XKR9: variants seen among roughly 807,000 people sequenced by gnomAD.
The protein encoded by XKR9 is XK-related protein 9.
In XKR9, 32 loss-of-function variants were observed where a neutral mutation model predicts 32.0. That is an observed-to-expected ratio of 1.00 (90% CI 0.76 to 1.34). XKR9 has a LOEUF of 1.34. Ranked by LOEUF, XKR9 falls within the 40% of genes most tolerant of loss-of-function variation. XKR9 has a pLI of 0.00. For missense variants in XKR9, 546 were observed against 429.7 expected, an observed-to-expected ratio of 1.27 and a Z score of -2.39; for synonymous variants, 168 against 143.4, an observed-to-expected ratio of 1.17 and a Z score of -1.22.
At chr8:70,932,335 A>G in the XKR9 span, among the ~76,000 whole-genome samples, 1 of 152,114 alleles carries the variant, frequency 6.6e-6, no homozygotes, top group Non-Finnish European at 1.5e-5. Context: ...ATTGCATCTC[A>G]GGAGATTAAA....
At chr8:71,019,491 C>G in the XKR9 span, among the ~76,000 whole-genome samples, 1 of 152,200 alleles carries the variant, frequency 6.6e-6, no homozygotes, top group Non-Finnish European at 1.5e-5. Context: ...CTCACACCAG[C>G]AGGTCAGTTG....
At chr8:70,708,547 G>C (rs1426256492) in intron 4 of XKR9, among the ~76,000 whole-genome samples, 1 of 152,016 alleles carries the variant, frequency 6.6e-6, no homozygotes, top group Admixed American at 6.6e-5. Flanking sequence ...AATGACACAA[G>C]AAAGCAATTA....
chr8:70,808,380 G>GACGT, the XKR9 span, among the ~76,000 whole-genome samples: 1 of 152,140 alleles, frequency 6.6e-6, no homozygotes, highest in African/African-American at 2.4e-5. Flanking sequence ...CGATGCAGAA[G>GACGT]ATGTATGATT....
chr8:70,963,077 G>A, the XKR9 span, among the ~76,000 whole-genome samples: 2 of 152,104 alleles, frequency 1.3e-5, no homozygotes, highest in African/African-American at 4.8e-5. Context: ...CATCACCCAG[G>A]TATTAAACCC....
At chr8:70,685,639 A>G (rs1819244765) in intron 3 of XKR9, among the ~76,000 whole-genome samples, 2 of 149,802 alleles carry the variant, frequency 1.3e-5, no homozygotes, top group African/African-American at 2.5e-5. Context: ...CAAGGGCAAA[A>G]AACCAAACAC....
chr8:70,786,189 C>G (rs765359558), intron 2 of XKR9, among the ~76,000 whole-genome samples: 29 of 152,172 alleles, frequency 1.9e-4, no homozygotes, highest in Admixed American at 3.3e-4. Context: ...GTTTTGTGCT[C>G]TAACATGTGA....
chr8:70,903,153 A>T, the XKR9 span, among the ~76,000 whole-genome samples: 1 of 152,112 alleles, frequency 6.6e-6, no homozygotes, highest in Non-Finnish European at 1.5e-5. Flanking sequence ...TGCTGGCCTC[A>T]TAAAATGAGT....
At chr8:70,793,062 C>G (rs1208321667), downstream of XKR9, among the ~76,000 whole-genome samples, 2 of 152,092 alleles carry the variant, frequency 1.3e-5, no homozygotes, top group Non-Finnish European at 2.9e-5. Flanking sequence ...TTAGTGTAAG[C>G]TCTTCTGTTT....
the XKR9 span, among the ~76,000 whole-genome samples, chr8:70,856,674 T>G: frequency 6.6e-6 from 1 of 152,158 alleles, no homozygotes; most frequent in Non-Finnish European, 1.5e-5. Flanking sequence ...ATATACATTC[T>G]TTTCAGCACC....
At chr8:71,063,441 G>T in the XKR9 span, among the ~76,000 whole-genome samples, 1 of 152,034 alleles carries the variant, frequency 6.6e-6, no homozygotes. Flanking sequence ...GTAGGAGCAA[G>T]AATTCTGCAT....
chr8:71,038,965 G>T, the XKR9 span, among the ~76,000 whole-genome samples: 1 of 151,612 alleles, frequency 6.6e-6, no homozygotes, highest in African/African-American at 2.4e-5. Context: ...CACCGTACCC[G>T]GCTAATTTTT....
chr8:70,781,504 A>G (rs1807616162), intron 2 of XKR9, among the ~76,000 whole-genome samples: 1 of 151,426 alleles, frequency 6.6e-6, no homozygotes, highest in Non-Finnish European at 1.5e-5. Context: ...CAGCATATCC[A>G]TTAACTCAAA....
chr8:71,029,762 T>G, the XKR9 span, among the ~76,000 whole-genome samples: 2 of 152,088 alleles, frequency 1.3e-5, no homozygotes, highest in African/African-American at 4.8e-5. Context: ...TGTATCATGC[T>G]CTGGATGAGC....
chr8:70,965,766 G>A, the XKR9 span, among the ~76,000 whole-genome samples: 1 of 152,144 alleles, frequency 6.6e-6, no homozygotes, highest in African/African-American at 2.4e-5. Flanking sequence ...TTCTTTAGTA[G>A]TTGGTTGTAT....
chr8:71,015,909 C>A, the XKR9 span, among the ~76,000 whole-genome samples: 31 of 152,260 alleles, frequency 2.0e-4, no homozygotes, highest in Non-Finnish European at 4.1e-4. Context: ...AGGCTGACAT[C>A]TGTTTACTAT....
the XKR9 span, among the ~76,000 whole-genome samples, chr8:71,009,374 G>A: frequency 6.8e-6 from 1 of 147,702 alleles, no homozygotes; most frequent in African/African-American, 2.5e-5. Context: ...TAGTATTAGT[G>A]TATTTTATGT....
At chr8:70,935,206 TATAC>T in the XKR9 span, among the ~76,000 whole-genome samples, 3 of 82,594 alleles carry the variant, frequency 3.6e-5, no homozygotes, top group East Asian at 9.7e-4. Context: ...CATATACATA[TATAC>T]ACACACACAC....
chr8:70,695,282 T>C (rs1407601282), intron 3 of XKR9, among the ~76,000 whole-genome samples: 2 of 149,740 alleles, frequency 1.3e-5, no homozygotes, highest in African/African-American at 4.9e-5. Context: ...ACCCATTAAC[T>C]CGTCATTTAG....
chr8:70,870,847 A>G, the XKR9 span, among the ~76,000 whole-genome samples: 42 of 152,298 alleles, frequency 2.8e-4, no homozygotes, highest in South Asian at 4.3e-3. Flanking sequence ...TGATTCTGTT[A>G]CTCTTCTTTT....
Sources: gnomAD v4.1 joint callset for allele counts (sites outside exome capture counted in the v4.1 genomes callset) on GRCh38, gnomAD v4.1.1 for gene constraint, MANE v1.5 for transcripts, NCBI Gene and HGNC (gene_info 2026-07-23, HGNC 2026-07-21) for gene names.